MET: variants seen among roughly 807,000 people sequenced by gnomAD.
MET encodes the protein MET proto-oncogene, receptor tyrosine kinase, also known as hepatocyte growth factor receptor.
Under a neutral mutation model 133.1 loss-of-function variants are expected in MET, and 48 were observed. The observed-to-expected ratio is 0.36, with a 90% confidence interval of 0.29 to 0.46. MET has a LOEUF of 0.46. Among genes scored for constraint, MET ranks in the 20% least tolerant of loss-of-function variants. The pLI is 1.00. For missense variants in MET, 1,442 were observed against 1,695.9 expected (o/e 0.85, Z 2.63); for synonymous variants, 628 against 616.5 (o/e 1.02, Z -0.28).
chr7:116,778,788 TAGG>T lies in MET; in HGVS notation c.3356_3358del (p.Gly1119del), dbSNP rs1584961122. ...CTGGATTTCTCAGGAATCACTGACA[TAGG>T]AGAAGTTTCCCAATTTCTGACCGAG... is the stretch of plus-strand genomic sequence containing the variant. On this transcript the variant is annotated inframe_deletion, in exon 17 of 21. Transcript: ENST00000397752. 1.2e-6 allele frequency: 2 copies of T among 1,613,998 alleles called. No homozygotes were observed. Among genetic ancestry groups the T allele is most frequent in the Non-Finnish European group, 1.7e-6 (2 of 1,179,924 alleles).
At chr7:116,707,400 T>C (rs1322362224) in intron 2 of MET, among the ~76,000 whole-genome samples, 1 of 152,136 alleles carries the variant, frequency 6.6e-6, no homozygotes, top group East Asian at 1.9e-4. Flanking sequence ...AGATGATACT[T>C]CAAATCGTGC....
At chr7:116,742,622 A>T (rs1484179965) in intron 5 of MET, among the ~76,000 whole-genome samples, 1 of 152,250 alleles carries the variant, frequency 6.6e-6, no homozygotes, top group East Asian at 1.9e-4. Context: ...GCTTCCTTTT[A>T]CTAAGCATAA....
At chr7:116,740,817 C>T (rs1793415550) in intron 4 of MET, 35 bp from the exon 5 acceptor site, 1 of 1,611,830 alleles carries the variant, frequency 6.2e-7, no homozygotes, top group African/African-American at 1.3e-5. Context: ...ACTAGATACC[C>T]CTCTGGAAGC....
At chr7:116,794,099 C>G (rs564575523) in intron 19 of MET, among the ~76,000 whole-genome samples, 1 of 152,218 alleles carries the variant, frequency 6.6e-6, no homozygotes, top group South Asian at 2.1e-4. Flanking sequence ...CTTTTGGCAA[C>G]CTTTGTACCT....
intron 1 of MET, among the ~76,000 whole-genome samples, chr7:116,679,115 T>A (rs1796260436): frequency 6.6e-6 from 1 of 152,196 alleles, no homozygotes; most frequent in Non-Finnish European, 1.5e-5. Context: ...TTTTGACACA[T>A]TTCCTCTCTG....
intron 1 of MET, among the ~76,000 whole-genome samples, chr7:116,675,740 C>T (rs1486002520): frequency 1.3e-5 from 2 of 151,430 alleles, no homozygotes; most frequent in East Asian, 3.9e-4. Context: ...TTCTCTTTCT[C>T]CAGTTCTCTC....
At position 116,731,878 on chromosome 7, in the gene MET, T is replaced by C. The variant is rs2116784923; in HGVS notation, c.1392+19T>C. Reference sequence around the variant, plus strand: ...CATGCAGGTAAGTGCTTTCTGAGAGTAGCTGTGTCTGTTCTATCTGGTATT... The same window carrying C: ...CATGCAGGTAAGTGCTTTCTGAGAGCAGCTGTGTCTGTTCTATCTGGTATT... On this transcript the variant is annotated intron_variant, in intron 3 of 20. Transcript: ENST00000397752. 1 of 1,611,690 alleles carries C rather than the reference T, an allele frequency of 6.2e-7. No individual in the cohort carries two copies. The highest frequency in any genetic ancestry group is 8.5e-7 in the Non-Finnish European group (1 of 1,177,846).
intron 5 of MET, among the ~76,000 whole-genome samples, chr7:116,745,981 G>C (rs1262285676): frequency 6.6e-6 from 1 of 152,154 alleles, no homozygotes; most frequent in Non-Finnish European, 1.5e-5. Context: ...ACTACCATCA[G>C]AGTGAACAGG....
intron 2 of MET, among the ~76,000 whole-genome samples, chr7:116,716,505 GAAA>G (rs1562893483): frequency 2.0e-5 from 3 of 149,704 alleles, no homozygotes; most frequent in Admixed American, 6.7e-5. Context: ...AAGAAAGAAA[GAAA>G]GAAAGAAAGA....
Position 116,699,689 on chromosome 7 carries a change from A to G in MET, c.605A>G (p.Asn202Ser). 1.2e-6 allele frequency: 2 copies of G among 1,614,038 alleles called. No homozygotes were observed. The highest frequency in any genetic ancestry group is 1.7e-6 in the Non-Finnish European group (2 of 1,179,962). ...FINFFVGNTI[N>S]SSYFPDHPLH... Reference sequence around the variant, plus strand: ...AACTTCTTTGTAGGCAATACCATAAATTCTTCTTATTTCCCAGATCATCCA... The same window carrying G: ...AACTTCTTTGTAGGCAATACCATAAGTTCTTCTTATTTCCCAGATCATCCA... The change falls in exon 2 of 21, where the codon AAT (asparagine) becomes AGT (serine). Residue 202 changes from asparagine (N) to serine (S), a missense_variant. Transcript: ENST00000397752.
chr7:116,676,152 T>C (rs1408711856), intron 1 of MET, among the ~76,000 whole-genome samples: 1 of 152,242 alleles, frequency 6.6e-6, no homozygotes, highest in Non-Finnish European at 1.5e-5. Context: ...CAGGTACACA[T>C]ATTTCTCTCT....
At chr7:116,731,377 A>G (rs148807898) in intron 2 of MET, among the ~76,000 whole-genome samples, 1 of 152,314 alleles carries the variant, frequency 6.6e-6, no homozygotes, top group East Asian at 1.9e-4. Flanking sequence ...GAGACATTTA[A>G]AAGTTTTGTT....
intron 1 of MET, among the ~76,000 whole-genome samples, chr7:116,689,030 A>G (rs539522825): frequency 6.6e-6 from 1 of 152,326 alleles, no homozygotes; most frequent in African/African-American, 2.4e-5. Context: ...AGCCACCTGT[A>G]TTTGAATTTT....
chr7:116,777,938 G>A (rs1562933315), intron 16 of MET, among the ~76,000 whole-genome samples: 1 of 152,090 alleles, frequency 6.6e-6, no homozygotes, highest in Non-Finnish European at 1.5e-5. Context: ...TCATAAGTAT[G>A]GTAATACCTC....
At chr7:116,716,337 GAA>G (rs1792205127) in intron 2 of MET, among the ~76,000 whole-genome samples, 19 of 109,406 alleles carry the variant, frequency 1.7e-4, no homozygotes, top group East Asian at 4.9e-4. Flanking sequence ...GAGAGAGAGA[GAA>G]AAGAAACGGA....
chr7:116,714,441 G>A (rs945818084), intron 2 of MET, among the ~76,000 whole-genome samples: 21 of 151,744 alleles, frequency 1.4e-4, no homozygotes, highest in African/African-American at 5.1e-4. Context: ...GCTCAACTTC[G>A]ACCTCTGCCA....
At position 116,758,444 on chromosome 7, in the gene MET, AT is replaced by A. The variant is rs761227260; in HGVS notation, c.2103-7del. On this transcript the variant is annotated splice_polypyrimidine_tract_variant and intron_variant, in intron 8 of 20. Coordinates refer to ENST00000397752, the MANE Select transcript of MET (RefSeq NM_000245.4). ...CTAATAGCTAAAATTCACTTCCTTA[AT>A]TTTTTTTGTTCAGTGTGTCAAACAG... 8.1e-6 allele frequency: 13 copies of A among 1,610,902 alleles called. No homozygotes were observed. The highest frequency in any genetic ancestry group is 2.7e-5 in the African/African-American group (2 of 74,770).
chr7:116,713,399 A>T (rs1792078038), intron 2 of MET, among the ~76,000 whole-genome samples: 1 of 151,904 alleles, frequency 6.6e-6, no homozygotes, highest in Admixed American at 6.6e-5. Context: ...CGTCTCAAAA[A>T]AAAAAAAAAA....
intron 19 of MET, among the ~76,000 whole-genome samples, chr7:116,786,551 T>C (rs2117077713): frequency 6.6e-6 from 1 of 151,622 alleles, no homozygotes; most frequent in East Asian, 1.9e-4. Context: ...CTCAACAGAG[T>C]CCACTGCTAC....
Sources: allele counts gnomAD v4.1 joint callset (sites outside exome capture counted in the v4.1 genomes callset), GRCh38; gene constraint gnomAD v4.1.1; transcripts MANE v1.5; gene names NCBI Gene and HGNC (gene_info 2026-07-23, HGNC 2026-07-21).